DSCAM: variants seen among roughly 807,000 people sequenced by gnomAD.
DSCAM encodes cell adhesion molecule DSCAM.
Under a neutral mutation model 217.7 loss-of-function variants are expected in DSCAM, and 47 were observed. The ratio of observed to expected loss-of-function variants is 0.22; its 90% CI spans 0.17 to 0.28. The LOEUF is 0.28. DSCAM is among the 10% of genes least tolerant of loss of function. DSCAM has a pLI of 1.00. For missense variants in DSCAM, 2,080 were observed against 2,618.3 expected (o/e 0.79, Z 4.49); for synonymous variants, 1,056 against 1,015.3 (o/e 1.04, Z -0.76).
intron 32 of DSCAM, among the ~76,000 whole-genome samples, chr21:40,018,431 A>C (rs771843787): frequency 6.6e-6 from 1 of 152,072 alleles, no homozygotes; most frequent in Non-Finnish European, 1.5e-5. Context: ...ATTTACCTCC[A>C]GGGTTCTTTA....
intron 3 of DSCAM, among the ~76,000 whole-genome samples, chr21:40,539,154 G>A (rs1422139693): frequency 2.0e-5 from 3 of 152,132 alleles, no homozygotes; most frequent in African/African-American, 4.8e-5. Context: ...AGAGGGCCCA[G>A]ACCCCAGATG....
At chr21:40,151,415 C>T (rs1034783472) in intron 16 of DSCAM, among the ~76,000 whole-genome samples, 1 of 151,960 alleles carries the variant, frequency 6.6e-6, no homozygotes, top group Admixed American at 6.6e-5. Context: ...CTCAATGAAA[C>T]GTGGTTTCAA....
At chr21:40,334,697 A>G (rs550732956) in intron 8 of DSCAM, among the ~76,000 whole-genome samples, 1 of 138,310 alleles carries the variant, frequency 7.2e-6, no homozygotes, top group African/African-American at 2.7e-5. Context: ...GTGTCTATTC[A>G]CAGGTGCAAA....
chr21:40,166,941 T>A (rs1029694028), intron 16 of DSCAM, among the ~76,000 whole-genome samples: 5 of 151,224 alleles, frequency 3.3e-5, no homozygotes, highest in African/African-American at 1.2e-4. Context: ...TCAATTTTAC[T>A]ATTTCTGTAG....
chr21:40,549,928 T>A (rs2076615966), intron 3 of DSCAM, among the ~76,000 whole-genome samples: 1 of 152,162 alleles, frequency 6.6e-6, no homozygotes, highest in Non-Finnish European at 1.5e-5. Context: ...CTGACATAAA[T>A]GCTGAAATGA....
chr21:40,049,385 G>A lies in DSCAM; in HGVS notation c.5185+2573C>T, dbSNP rs570727340. 3.9e-5 allele frequency among the ~76,000 whole-genome samples: 6 copies of A among 152,188 alleles called. No homozygotes were observed. In the South Asian group the frequency reaches 1.2e-3, roughly 32 times the overall value. ...CCCTGCTGCCCCCTCTGCTCCTGCT[G>A]TGACTCTGATCTTGTTTCATGTCTT... On this transcript the variant is annotated intron_variant, in intron 30 of 32. Transcript: ENST00000400454.
intron 11 of DSCAM, 95 bp from the exon 12 acceptor site, chr21:40,189,333 T>A (rs977606956): frequency 2.0e-6 from 2 of 985,578 alleles, no homozygotes. Context: ...CAAGAGATAT[T>A]TCTTCAAAAT....
At chr21:40,557,936 T>C (rs1045576342) in intron 3 of DSCAM, among the ~76,000 whole-genome samples, 2 of 152,198 alleles carry the variant, frequency 1.3e-5, no homozygotes, top group African/African-American at 4.8e-5. Context: ...CTACAAACGT[T>C]AGCAATACCT....
intron 1 of DSCAM, among the ~76,000 whole-genome samples, chr21:40,726,967 T>C (rs1304363687): frequency 6.6e-6 from 1 of 152,152 alleles, no homozygotes; most frequent in Non-Finnish European, 1.5e-5. Flanking sequence ...TGAGTCCCCA[T>C]CAGCAAAAAG....
chr21:40,536,873 C>T (rs930237228), intron 3 of DSCAM, among the ~76,000 whole-genome samples: 1 of 152,206 alleles, frequency 6.6e-6, no homozygotes, highest in African/African-American at 2.4e-5. Context: ...ATTTTAAAAA[C>T]AAGTCCAGCC....
intron 3 of DSCAM, among the ~76,000 whole-genome samples, chr21:40,637,717 G>A (rs2089825304): frequency 7.1e-6 from 1 of 141,344 alleles, no homozygotes; most frequent in South Asian, 2.2e-4. Context: ...CTGTCAGCCA[G>A]GCTGGAGTGC....
At chr21:40,052,370 T>C (rs937323166) in intron 29 of DSCAM, among the ~76,000 whole-genome samples, 2 of 152,190 alleles carry the variant, frequency 1.3e-5, no homozygotes, top group African/African-American at 4.8e-5. Flanking sequence ...AGGAGCTCTC[T>C]TTTCTCTTTG....
chr21:40,196,287 C>G (rs773191964), intron 11 of DSCAM, among the ~76,000 whole-genome samples: 32 of 152,138 alleles, frequency 2.1e-4, no homozygotes, highest in Non-Finnish European at 4.0e-4. Flanking sequence ...TGGGACTGGG[C>G]AGGACCCTTG....
At chr21:40,629,074 GTGGTGTGTGT>G (rs1201765961) in intron 3 of DSCAM, among the ~76,000 whole-genome samples, 190 of 133,488 alleles carry the variant, frequency 1.4e-3, no homozygotes, top group African/African-American at 5.1e-3. Flanking sequence ...ATGTGTGTGT[GTGGTGTGTGT>G]GTGTGTGTGT....
chr21:40,214,715 G>T (rs1464013921), intron 11 of DSCAM, among the ~76,000 whole-genome samples: 2 of 137,782 alleles, frequency 1.5e-5, no homozygotes, highest in East Asian at 2.1e-4. Context: ...CAAATAAAAC[G>T]GACTTCAAAG....
intron 3 of DSCAM, 52 bp downstream of exon 3, chr21:40,692,758 C>A (rs1445313986): frequency 2.1e-5 from 33 of 1,561,220 alleles, no homozygotes; most frequent in Non-Finnish European, 2.8e-5. Flanking sequence ...TCTGAAATAA[C>A]CTTTTCAGAA....
intron 3 of DSCAM, among the ~76,000 whole-genome samples, chr21:40,577,958 G>A (rs2076868125): frequency 6.6e-6 from 1 of 152,146 alleles, no homozygotes; most frequent in African/African-American, 2.4e-5. Context: ...TTGAGGAAGG[G>A]GCTGCCAGTC....
chr21:40,393,629 A>G (rs919075884), intron 3 of DSCAM, among the ~76,000 whole-genome samples: 1 of 152,216 alleles, frequency 6.6e-6, no homozygotes, highest in South Asian at 2.1e-4. Flanking sequence ...TCCATTACCA[A>G]GGATGAACAG....
At chr21:40,086,778 A>G (rs2089538281) in intron 22 of DSCAM, among the ~76,000 whole-genome samples, 1 of 152,184 alleles carries the variant, frequency 6.6e-6, no homozygotes, top group Non-Finnish European at 1.5e-5. Flanking sequence ...TATTTGAGTT[A>G]TGGTTAGTTC....
Sources: allele counts gnomAD v4.1 joint callset (sites outside exome capture counted in the v4.1 genomes callset), GRCh38; gene constraint gnomAD v4.1.1; transcripts MANE v1.5; gene names NCBI Gene and HGNC (gene_info 2026-07-23, HGNC 2026-07-21).